The following PPP4R3A variants were observed in gnomAD, a reference collection of about 807,000 sequenced individuals.
PPP4R3A encodes the protein serine/threonine-protein phosphatase 4 regulatory subunit 3A.
A neutral mutation model predicts 91.7 loss-of-function variants in PPP4R3A; 15 were observed. The ratio of observed to expected loss-of-function variants is 0.16; its 90% CI spans 0.11 to 0.25. PPP4R3A has a LOEUF of 0.25. Among genes scored for constraint, PPP4R3A ranks in the 10% least tolerant of loss-of-function variants. The pLI, the probability that PPP4R3A is intolerant of heterozygous loss-of-function variation, is 1.00. For synonymous variants in PPP4R3A, 377 were observed against 348.7 expected (o/e 1.08, Z -0.91); for missense variants, 623 against 998.4 (o/e 0.62, Z 5.07).
intron 1 of PPP4R3A, among the ~76,000 whole-genome samples, chr14:91,501,633 AGAGT>A (rs995812296): frequency 1.3e-5 from 2 of 151,980 alleles, no homozygotes; most frequent in African/African-American, 4.8e-5. Context: ...CCTGGACAAA[AGAGT>A]GAGATCCCGC....
rs780559000 is a variant in PPP4R3A, at chr14:91,473,370, C to T, written c.1267G>A (p.Asp423Asn). Residue 423 changes from aspartate to asparagine, a missense_variant and splice_region_variant, in exon 8 of 15, where the codon GAT becomes AAT. Asp to Asn is a conservative substitution (Grantham distance 23). This residue lies in a region of PPP4R3A where 264 missense variants were observed against 377.3 expected (regional missense o/e 0.70). Transcript: ENST00000554943. ...KLTEQKITSK[D>N]ILLINLIIEH... ...ATAATGAGGTTGATGAGCAAAATAT[C>T]CTGGAGAGAAAAATAGACATACTCA... 6.2e-7 allele frequency: 1 copy of T among 1,605,790 alleles called. No homozygotes were observed. Among genetic ancestry groups the T allele is most frequent in the South Asian group, 1.1e-5 (1 of 89,200 alleles).
intron 2 of PPP4R3A, among the ~76,000 whole-genome samples, chr14:91,487,836 C>A (rs1405135166): frequency 6.6e-6 from 1 of 152,184 alleles, no homozygotes; most frequent in African/African-American, 2.4e-5. Context: ...TCCACCTCAG[C>A]CTCCCAAGTA....
intron 9 of PPP4R3A, among the ~76,000 whole-genome samples, chr14:91,472,458 GTTTTT>G (rs76707705): frequency 2.3e-5 from 3 of 133,200 alleles, no homozygotes; most frequent in East Asian, 4.3e-4. Context: ...CAGGAAAATT[GTTTTT>G]TTTTTTTTTT....
chr14:91,473,750 A>G (rs572954683), intron 7 of PPP4R3A, among the ~76,000 whole-genome samples: 60 of 152,292 alleles, frequency 3.9e-4, no homozygotes, highest in Admixed American at 3.5e-3. Flanking sequence ...TTAGAACATC[A>G]TAATACTTTC....
intron 1 of PPP4R3A, among the ~76,000 whole-genome samples, chr14:91,493,250 A>G (rs78288534): frequency 1.4e-5 from 2 of 144,490 alleles, no homozygotes; most frequent in Non-Finnish European, 2.9e-5. Context: ...TTAGCCGGGC[A>G]TGGTTGCTGT....
At chr14:91,509,484 C>G in intron 1 of PPP4R3A, 22 bp downstream of exon 1, 1 of 1,570,590 alleles carries the variant, frequency 6.4e-7, no homozygotes, top group Non-Finnish European at 8.6e-7. Context: ...GCGAGGGTCC[C>G]GCCGCGCGGG....
chr14:91,476,025 T>C (rs1889184204), intron 6 of PPP4R3A, 59 bp from the exon 7 acceptor site: 1 of 1,447,158 alleles, frequency 6.9e-7, no homozygotes, highest in Non-Finnish European at 9.1e-7. Context: ...CCTATAGCTA[T>C]GTAAATATCC....
chr14:91,458,977 G>C (rs1037759665), intron 14 of PPP4R3A, 108 bp from the exon 15 acceptor site: 3 of 1,277,278 alleles, frequency 2.3e-6, no homozygotes, highest in Non-Finnish European at 3.2e-6. Context: ...AGTAACGGTG[G>C]TTATTTCTGG....
chr14:91,461,648 C>CT, intron 13 of PPP4R3A, 41 bp from the exon 14 acceptor site: 5 of 1,577,982 alleles, frequency 3.2e-6, no homozygotes, highest in Non-Finnish European at 4.3e-6. Flanking sequence ...CCCCATACTT[C>CT]TTTTTTAAAT....
At chr14:91,464,687 G>A (rs1288204455) in intron 11 of PPP4R3A, among the ~76,000 whole-genome samples, 1 of 152,134 alleles carries the variant, frequency 6.6e-6, no homozygotes, top group African/African-American at 2.4e-5. Context: ...TTATGAAATT[G>A]GTCTTTAGAA....
Position 91,482,150 on chromosome 14 carries a change from A to G in PPP4R3A, c.341T>C (p.Val114Ala). The G allele has an allele frequency of 6.2e-7, 1 of 1,614,112 alleles. No homozygotes were observed. Among genetic ancestry groups the G allele is most frequent in the Non-Finnish European group, 8.5e-7 (1 of 1,180,030 alleles). ...AAAACGCTCCTCTTCAGATTCATCC[A>G]CAAGGTCCTGAGTGATGTCCACGGA... ...DPSVDITQDL[V>A]DESEEERFDD... Residue 114 changes from valine to alanine, a missense_variant, in exon 4 of 15, where the codon GTG becomes GCG. This residue lies in a region of PPP4R3A where 20 missense variants were observed against 75.6 expected (regional missense o/e 0.26). Coordinates refer to ENST00000554943, the MANE Select transcript of PPP4R3A (RefSeq NM_001366432.2).
In PPP4R3A at chr14:91,458,440, C is replaced by T. The variant is rs1887905102; in HGVS notation, c.*319G>A. On this transcript the variant is annotated 3_prime_UTR_variant, in exon 15 of 15. Transcript: ENST00000554943. ...CCAAGAAAGCATATTCTGATTGTAG[C>T]AACTGACCAGTCAATCCAGAGTTCC... 2.6e-6 allele frequency: 1 copy of T among 389,614 alleles called. No homozygotes were observed. Among genetic ancestry groups the T allele is most frequent in the Non-Finnish European group, 4.8e-6 (1 of 206,566 alleles). 24.1% of individuals were successfully genotyped at this position (389,614 alleles called of 1,614,324 possible).
At chr14:91,475,168 G>A (rs1181704931) in intron 7 of PPP4R3A, 1 of 151,778 alleles carries the variant, frequency 6.6e-6, no homozygotes, top group African/African-American at 2.4e-5. Context: ...AATTGTTATG[G>A]GGGAAGCAGG....
intron 7 of PPP4R3A, 116 bp downstream of exon 7, chr14:91,475,695 T>C (rs1245579065): frequency 4.0e-6 from 4 of 1,005,184 alleles, no homozygotes; most frequent in Non-Finnish European, 5.7e-6. Flanking sequence ...ATAAGCTGTC[T>C]GATATTATGG....
Position 91,509,516 on chromosome 14 carries a change from A to G in PPP4R3A, c.132T>C (p.Ala44=), listed in dbSNP as rs781434373. The G allele has an allele frequency of 4.4e-6, 7 of 1,593,420 alleles. No individual in the cohort carries two copies. Among genetic ancestry groups the G allele is most frequent in the Non-Finnish European group, 6.0e-6 (7 of 1,175,446 alleles). ...CGGGGCTTCACTTACCGTCGCTCTC[A>G]GCCCTGACAAGCAGGGACATGCCCT... ...RLKGMSLLVR[A]ESDGSLLLES... is the part of the protein sequence containing the mutation. Residue 44 remains alanine (A), a synonymous_variant, in exon 1 of 15, where the codon GCT becomes GCC. Coordinates refer to ENST00000554943, the MANE Select transcript of PPP4R3A (RefSeq NM_001366432.2).
At chr14:91,472,189 G>C (rs746040641) in intron 9 of PPP4R3A, among the ~76,000 whole-genome samples, 1 of 151,140 alleles carries the variant, frequency 6.6e-6, no homozygotes, top group Non-Finnish European at 1.5e-5. Context: ...GCACACGCAC[G>C]CTAAAGCTCT....
intron 1 of PPP4R3A, among the ~76,000 whole-genome samples, chr14:91,497,973 C>A (rs1890686915): frequency 6.6e-6 from 1 of 152,164 alleles, no homozygotes; most frequent in Non-Finnish European, 1.5e-5. Context: ...ACTGATACTG[C>A]CAAAGACTGA....
At chr14:91,492,832 A>G (rs538805445) in intron 1 of PPP4R3A, among the ~76,000 whole-genome samples, 67 of 152,320 alleles carry the variant, frequency 4.4e-4, no homozygotes, top group South Asian at 1.2e-3. Flanking sequence ...AGATTAATCA[A>G]AACACATTTT....
At chr14:91,498,634 GC>G (rs951031539) in intron 1 of PPP4R3A, among the ~76,000 whole-genome samples, 5 of 151,608 alleles carry the variant, frequency 3.3e-5, no homozygotes, top group Non-Finnish European at 7.4e-5. Context: ...AATTTTTTTG[GC>G]TGGGCGCAGT....
Sources: gnomAD v4.1 joint callset for allele counts (sites outside exome capture counted in the v4.1 genomes callset) on GRCh38, gnomAD v4.1.1 for gene constraint, gnomAD v4.1.1 regional missense constraint, MANE v1.5 for transcripts, NCBI Gene and HGNC (gene_info 2026-07-23, HGNC 2026-07-21) for gene names.